The following MIIP variants were observed in gnomAD, a reference collection of about 807,000 sequenced individuals.
The protein encoded by MIIP is migration and invasion inhibitory protein.
A neutral mutation model predicts 44.8 loss-of-function variants in MIIP; 44 were observed. The ratio of observed to expected loss-of-function variants is 0.98; its 90% CI spans 0.77 to 1.26. The LOEUF is 1.26. Ranked by LOEUF, MIIP falls within the 50% of genes most tolerant of loss-of-function variation. MIIP has a pLI of 0.00. For synonymous variants in MIIP, 225 were observed against 218.3 expected (o/e 1.03, Z -0.27); for missense variants, 496 against 511.7 (o/e 0.97, Z 0.30).
At position 12,031,399 on chromosome 1, in the gene MIIP, A is replaced by T; in HGVS notation, c.1076A>T (p.His359Leu). 6.2e-7 allele frequency: 1 copy of T among 1,613,290 alleles called. No individual in the cohort carries two copies. Among genetic ancestry groups the T allele is most frequent in the Non-Finnish European group, 8.5e-7 (1 of 1,179,760 alleles). ...QKLSGTSSPF[H>L]PASPMQMLPP... is the part of the protein sequence containing the mutation. The stretch of plus-strand genomic sequence containing the variant: ...CTGTCCGGCACCAGCAGCCCTTTTC[A>T]CCCGGTACGGTCCAGATCGCATCCT... The change falls in exon 9 of 10, where the codon CAC becomes CTC. Residue 359 changes from histidine (H) to leucine (L), a missense_variant. By Grantham distance (99) the His-to-Leu change is moderately conservative (BLOSUM62 -3). Transcript: ENST00000235332.
rs779800332 is a variant in MIIP at position 12,022,328 on chromosome 1, G to A, written c.348G>A (p.Ser116=). 6.8e-6 allele frequency: 11 copies of A among 1,613,694 alleles called. No individual in the cohort carries two copies. Among genetic ancestry groups the A allele is most frequent in the South Asian group, 2.2e-5 (2 of 91,068 alleles). ...LGRPRPHSAP[S]LGTSSLRDPE... is the part of the protein sequence containing the mutation. ...GACCGAGACCCCACTCAGCACCCTC[G>A]CTGGGCACCTCAAGCCTGAGGGACC... The change falls in exon 3 of 10, where the codon TCG becomes TCA. Residue 116 remains serine, a synonymous_variant. Coordinates refer to ENST00000235332, the MANE Select transcript of MIIP (RefSeq NM_021933.4).
chr1:12,030,625 T>C lies in MIIP; in HGVS notation c.942+501T>C, dbSNP rs188656925. Among the ~76,000 whole-genome samples the C allele has an allele frequency of 2.4e-3, 324 of 137,430 alleles. 5 individuals carry two copies. In the East Asian group the frequency reaches 0.042, roughly 18 times the overall value. The allele number at this position is 137,430 out of a possible 152,430, so 90.2% of individuals were successfully genotyped here. ...CTGCCCAGGCTGGAGTGCATTGGCA[T>C]GGTCTCAGCTCACTGCAGCCTCCAC... On this transcript the variant is annotated intron_variant, in intron 8 of 9. Coordinates refer to ENST00000235332, the MANE Select transcript of MIIP (RefSeq NM_021933.4).
chr1:12,022,940 A>T (rs377232729), intron 4 of MIIP, 23 bp downstream of exon 4: 56 of 1,585,434 alleles, frequency 3.5e-5, no homozygotes, highest in Non-Finnish European at 4.5e-5. Flanking sequence ...GTTGCCCTGC[A>T]CACACTTTGC....
rs778380761 is a variant in MIIP at position 12,031,417 on chromosome 1, C to T, written c.1080+14C>T. The T allele has an allele frequency of 3.8e-5, 61 of 1,609,622 alleles. No homozygotes were observed. Among genetic ancestry groups the T allele is most frequent in the Non-Finnish European group, 4.9e-5 (58 of 1,177,478 alleles). ...CCTTTTCACCCGGTACGGTCCAGAT[C>T]GCATCCTAGCCTGGGGTGCCCCCTA... is the stretch of plus-strand genomic sequence containing the variant. On this transcript the variant is annotated intron_variant, in intron 9 of 9. Transcript: ENST00000235332.
rs767991366 is a variant in MIIP, at chr1:12,021,741, G to C, written c.15G>C (p.Glu5Asp). MVEAEELAQLRLLNL... is the reference protein window; with the variant it reads MVEADELAQLRLLNL... ...AGAGGCCCAGGATGGTGGAGGCTGA[G>C]GAACTGGCACAGCTGCGGCTGCTCA... Residue 5 changes from glutamate (E) to aspartate (D), a missense_variant, in exon 2 of 10, where the codon GAG (glutamate) becomes GAC (aspartate). By Grantham distance (45) the Glu-to-Asp change is conservative (BLOSUM62 2). Transcript: ENST00000235332. 1.2e-6 allele frequency: 2 copies of C among 1,612,982 alleles called. No homozygotes were observed. Among genetic ancestry groups the C allele is most frequent in the Admixed American group, 3.3e-5 (2 of 60,012 alleles).
chr1:12,030,235 CAA>C (rs970447907), intron 8 of MIIP, 111 bp downstream of exon 8: 10 of 1,021,744 alleles, frequency 9.8e-6, no homozygotes, highest in Middle Eastern at 3.1e-4. Flanking sequence ...GGTGAGCGCC[CAA>C]GTCTCTGGAG....
In MIIP at chr1:12,031,667, G is replaced by A. The variant is rs149347963; in HGVS notation, c.1081-55G>A. The stretch of plus-strand genomic sequence containing the variant: ...CAGGAGGGAATGTGGCTGGAACTGG[G>A]GATGACCTGTCCCTTTCAAGTGGCC... On this transcript the variant is annotated intron_variant, in intron 9 of 9. Coordinates refer to ENST00000235332, the MANE Select transcript of MIIP (RefSeq NM_021933.4). 1.5e-4 allele frequency: 236 copies of A among 1,613,752 alleles called. 1 individual carries two copies. In the African/African-American group the frequency reaches 3.1e-3, roughly 21 times the overall value.
Position 12,021,811 on chromosome 1 carries a change from C to G in MIIP, c.85C>G (p.Arg29Gly). ...RQLWVGQDAV[R>G]RSVARAASES... ...GCTGTGGGTGGGGCAGGATGCTGTG[C>G]GGCGGTCAGTGGCCAGGGCAGCCTC... Residue 29 changes from arginine (R) to glycine (G), a missense_variant, in exon 2 of 10, where the codon CGG becomes GGG. Physicochemically the swap from Arg to Gly is moderately radical, Grantham distance 125 (BLOSUM62 -2). Coordinates refer to ENST00000235332, the MANE Select transcript of MIIP (RefSeq NM_021933.4). 1.2e-6 allele frequency: 2 copies of G among 1,611,234 alleles called. No homozygotes were observed. Among genetic ancestry groups the G allele is most frequent in the Non-Finnish European group, 1.7e-6 (2 of 1,179,546 alleles).
chr1:12,029,968 G>T, intron 7 of MIIP, 60 bp from the exon 8 acceptor site: 1 of 1,609,492 alleles, frequency 6.2e-7, no homozygotes, highest in East Asian at 2.2e-5. Flanking sequence ...GATGGGCCTG[G>T]GCGTGGGCCC....
intron 8 of MIIP, among the ~76,000 whole-genome samples, chr1:12,030,928 AT>A (rs1259935424): frequency 6.6e-6 from 1 of 152,188 alleles, no homozygotes; most frequent in Non-Finnish European, 1.5e-5. Flanking sequence ...TAAAATGGAC[AT>A]AACAGCGCCA....
At chr1:12,022,026 G>T (rs1639987019) in intron 2 of MIIP, 69 bp from the exon 3 acceptor site, 1 of 1,523,312 alleles carries the variant, frequency 6.6e-7, no homozygotes, top group Admixed American at 1.8e-5. Context: ...GCTTGCCTTG[G>T]TGCCTGGCGT....
Position 12,029,152 on chromosome 1 carries a change from G to A in MIIP, c.656+11G>A. On this transcript the variant is annotated intron_variant, in intron 5 of 9. Transcript: ENST00000235332. ...CTGCAGCCATCCTGAGTGAGCAGGG[G>A]CGGGCGAGGGTGGGCGAGGGCGGCT... 1 of 1,613,708 alleles carries A rather than the reference G, an allele frequency of 6.2e-7. No homozygotes were observed. Among genetic ancestry groups the A allele is most frequent in the Non-Finnish European group, 8.5e-7 (1 of 1,179,682 alleles).
intron 4 of MIIP, among the ~76,000 whole-genome samples, chr1:12,026,433 C>T (rs188907253): frequency 1.8e-4 from 28 of 152,276 alleles, no homozygotes; most frequent in African/African-American, 6.5e-4. Context: ...AAAATGGAAG[C>T]GCCTGTCCCA....
chr1:12,022,586 C>T (rs1640006684), intron 3 of MIIP, 144 bp downstream of exon 3: 2 of 763,894 alleles, frequency 2.6e-6, no homozygotes, highest in Non-Finnish European at 4.2e-6. Context: ...CTTGCTCAGC[C>T]TAAATGCTCG....
chr1:12,029,790 G>A lies in MIIP; in HGVS notation c.741G>A (p.Arg247=), dbSNP rs138345116. 6.2e-7 allele frequency: 1 copy of A among 1,613,254 alleles called. No homozygotes were observed. Among genetic ancestry groups the A allele is most frequent in the Non-Finnish European group, 8.5e-7 (1 of 1,179,590 alleles). ...GCGTGTACTGTTACCGTGTCAACCG[G>A]CGCCTGTTCCCGGTGCCTGTGGATC... ...HECVYCYRVN[R]RLFPVPVDPG... The change falls in exon 7 of 10, where the codon CGG becomes CGA. Residue 247 remains arginine (R), a synonymous_variant. Transcript: ENST00000235332.
intron 4 of MIIP, among the ~76,000 whole-genome samples, chr1:12,027,527 CT>C (rs941769137): frequency 3.9e-5 from 6 of 152,208 alleles, no homozygotes; most frequent in Admixed American, 3.9e-4. Flanking sequence ...TCTGTTGGTG[CT>C]CCTTCCCAGG....
chr1:12,029,423 G>A, intron 6 of MIIP, 142 bp downstream of exon 6: 1 of 983,692 alleles, frequency 1.0e-6, no homozygotes, highest in Non-Finnish European at 1.5e-6. Flanking sequence ...GAGGCCTGCA[G>A]TCTGGACAGG....
chr1:12,029,805 G>A lies in MIIP; in HGVS notation c.756G>A (p.Val252=). The A allele has an allele frequency of 1.2e-6, 2 of 1,613,390 alleles. No individual in the cohort carries two copies. Among genetic ancestry groups the A allele is most frequent in the Non-Finnish European group, 1.7e-6 (2 of 1,179,648 alleles). Residue 252 remains valine, a synonymous_variant, in exon 7 of 10, where the codon GTG becomes GTA. Coordinates refer to ENST00000235332, the MANE Select transcript of MIIP (RefSeq NM_021933.4). ...CYRVNRRLFP[V]PVDPGTPCRL... is the part of the protein sequence containing the mutation. ...GTGTCAACCGGCGCCTGTTCCCGGT[G>A]CCTGTGGATCCCGGTACCCCCTGCC...
chr1:12,022,601 G>A (rs1640007038), intron 3 of MIIP, among the ~76,000 whole-genome samples, 159 bp downstream of exon 3: 1 of 152,132 alleles, frequency 6.6e-6, no homozygotes, highest in Non-Finnish European at 1.5e-5. Context: ...TGCTCGCTAG[G>A]TGGTAGCTGT....
Sources: gnomAD v4.1 joint callset for allele counts (sites outside exome capture counted in the v4.1 genomes callset) on GRCh38, gnomAD v4.1.1 for gene constraint, MANE v1.5 for transcripts, NCBI Gene and HGNC (gene_info 2026-07-23, HGNC 2026-07-21) for gene names.